Variants in LRRC4C observed in about 807,000 individuals in gnomAD.
LRRC4C encodes leucine-rich repeat-containing protein 4C.
Under a neutral mutation model 33.6 loss-of-function variants are expected in LRRC4C, and 5 were observed. The observed-to-expected ratio is 0.15, with a 90% CI of 0.08 to 0.31. The LOEUF (loss-of-function observed/expected upper bound fraction) is 0.31. Ranked by LOEUF, LRRC4C falls within the 10% of genes least tolerant of loss-of-function variation. The pLI, the probability that LRRC4C is intolerant of heterozygous loss-of-function variation, is 1.00. For missense variants in LRRC4C, 560 were observed against 796.7 expected (o/e 0.70, Z 3.58); for synonymous variants, 329 against 302.0 (o/e 1.09, Z -0.93).
intron 3 of LRRC4C, among the ~76,000 whole-genome samples, chr11:40,436,820 T>TC (rs1489426068): frequency 1.3e-5 from 2 of 152,112 alleles, no homozygotes; most frequent in Admixed American, 1.3e-4. Flanking sequence ...ATTGAGGACT[T>TC]CAACTACAGC....
intron 3 of LRRC4C, among the ~76,000 whole-genome samples, chr11:40,549,285 A>T (rs1026323529): frequency 6.6e-6 from 1 of 152,130 alleles, no homozygotes; most frequent in African/African-American, 2.4e-5. Context: ...ACACTCTGAG[A>T]ACATCCTCAC....
At chr11:40,706,770 A>T (rs1028828633) in intron 2 of LRRC4C, among the ~76,000 whole-genome samples, 17 of 152,196 alleles carry the variant, frequency 1.1e-4, no homozygotes, top group Middle Eastern at 3.4e-3. Flanking sequence ...CTTGATGGGG[A>T]TGGCATTGAA....
At chr11:41,025,062 T>C (rs61876990) in intron 1 of LRRC4C, among the ~76,000 whole-genome samples, 3,938 of 151,606 alleles carry the variant, frequency 0.026, 48 homozygotes, top group Middle Eastern at 0.044. Flanking sequence ...ACTGCTCCAC[T>C]CACTGGCTGT....
At chr11:40,733,361 C>G (rs1947704088) in intron 2 of LRRC4C, among the ~76,000 whole-genome samples, 1 of 151,930 alleles carries the variant, frequency 6.6e-6, no homozygotes, top group African/African-American at 2.4e-5. Flanking sequence ...AGGCGTGAGC[C>G]ACGGTGCCCG....
intron 1 of LRRC4C, among the ~76,000 whole-genome samples, chr11:40,951,623 A>G (rs1398547478): frequency 6.6e-6 from 1 of 151,984 alleles, no homozygotes. Context: ...AAATCTCTGG[A>G]GCATTTGGAC....
At chr11:41,185,337 G>C (rs1006751809) in intron 1 of LRRC4C, among the ~76,000 whole-genome samples, 3 of 152,038 alleles carry the variant, frequency 2.0e-5, no homozygotes, top group Admixed American at 6.6e-5. Flanking sequence ...GAAAAAACAA[G>C]AGATCCACCC....
At chr11:40,242,857 G>A (rs1489233106) in intron 4 of LRRC4C, among the ~76,000 whole-genome samples, 1 of 151,764 alleles carries the variant, frequency 6.6e-6, no homozygotes, top group South Asian at 2.1e-4. Flanking sequence ...AACAACCCAA[G>A]TGTTCATCAA....
intron 3 of LRRC4C, among the ~76,000 whole-genome samples, chr11:40,448,688 T>G (rs764007194): frequency 2.0e-5 from 3 of 152,220 alleles, no homozygotes; most frequent in Non-Finnish European, 4.4e-5. Flanking sequence ...TTTGCTATTG[T>G]GAATACTGCT....
In LRRC4C at chr11:41,341,164, G is replaced by A. The variant is rs1251321408; in HGVS notation, c.-496+118267C>T. Among the ~76,000 whole-genome samples the A allele has an allele frequency of 1.4e-3, 209 of 152,180 alleles. 4 individuals are homozygous for A. Among genetic ancestry groups the A allele is most frequent in the Non-Finnish European group, 4.4e-4 (30 of 68,000 alleles). On this transcript the variant is annotated intron_variant, in intron 1 of 6. Transcript: ENST00000528697. The stretch of plus-strand genomic sequence containing the variant: ...TAGGTATGAAAGTAATAGTGTGTTA[G>A]GTGAGGATGTTACTTAAGAAAACAA...
At chr11:40,775,348 T>A (rs1465040329) in intron 2 of LRRC4C, among the ~76,000 whole-genome samples, 2 of 152,012 alleles carry the variant, frequency 1.3e-5, no homozygotes, top group Non-Finnish European at 2.9e-5. Flanking sequence ...AGGCGGAGCT[T>A]GCAGTGAGCC....
rs377477471 is a variant in LRRC4C, at chr11:41,176,908, C to T, written c.-495-243185G>A. 1.1e-3 allele frequency among the ~76,000 whole-genome samples: 170 copies of T among 151,938 alleles called. 2 individuals carry two copies. In the South Asian group the frequency reaches 0.032, roughly 29 times the overall value. Reference sequence around the variant, plus strand: ...TGAACCTAGGAGGCAGAGGTTGCAGCGAGCTGAGATTGCGCCACTGCACTC... The same window carrying T: ...TGAACCTAGGAGGCAGAGGTTGCAGTGAGCTGAGATTGCGCCACTGCACTC... On this transcript the variant is annotated intron_variant, in intron 1 of 6. Transcript: ENST00000528697.
chr11:40,197,135 A>G (rs1483218162), intron 5 of LRRC4C, among the ~76,000 whole-genome samples: 2 of 152,296 alleles, frequency 1.3e-5, no homozygotes, highest in East Asian at 3.9e-4. Context: ...AAGCTATAGG[A>G]TTGATTGAGA....
At chr11:41,064,911 C>G (rs532039003) in intron 1 of LRRC4C, among the ~76,000 whole-genome samples, 1 of 152,222 alleles carries the variant, frequency 6.6e-6, no homozygotes, top group East Asian at 1.9e-4. Flanking sequence ...TTTTCGCAGT[C>G]CGCGGATCAG....
intron 2 of LRRC4C, among the ~76,000 whole-genome samples, chr11:40,804,132 G>T (rs556588906): frequency 3.9e-5 from 6 of 152,006 alleles, no homozygotes; most frequent in Non-Finnish European, 8.8e-5. Flanking sequence ...TAGTAAAAAT[G>T]GCCCTTTTCC....
intron 2 of LRRC4C, among the ~76,000 whole-genome samples, chr11:40,705,008 G>A (rs1564956788): frequency 6.6e-6 from 1 of 151,776 alleles, no homozygotes; most frequent in Non-Finnish European, 1.5e-5. Context: ...GTATATTTAG[G>A]AATAATTACA....
In LRRC4C at chr11:40,591,468, C is replaced by T. The variant is rs140795587; in HGVS notation, c.-270+56674G>A. The stretch of plus-strand genomic sequence containing the variant: ...ATCACTCACGCTGGGAGCTGTAGAC[C>T]GGAGCTGTTCCTATTCGGCCATCTT... On this transcript the variant is annotated intron_variant, in intron 3 of 6. Transcript: ENST00000528697. 4.9e-4 allele frequency among the ~76,000 whole-genome samples: 74 copies of T among 152,246 alleles called. 1 individual carries two copies. The highest frequency in any genetic ancestry group is 7.2e-4 in the African/African-American group (30 of 41,548).
chr11:40,843,579 C>T (rs1027713110), intron 2 of LRRC4C, among the ~76,000 whole-genome samples: 1 of 152,148 alleles, frequency 6.6e-6, no homozygotes, highest in African/African-American at 2.4e-5. Context: ...TTTCTCTATT[C>T]TCTATCTTCC....
At chr11:40,622,523 C>G (rs1962553453) in intron 3 of LRRC4C, among the ~76,000 whole-genome samples, 1 of 151,766 alleles carries the variant, frequency 6.6e-6, no homozygotes, top group Non-Finnish European at 1.5e-5. Context: ...GAGAGTCAAG[C>G]CGCATTCTAG....
At chr11:40,819,847 G>A (rs950418122) in intron 2 of LRRC4C, among the ~76,000 whole-genome samples, 3 of 151,856 alleles carry the variant, frequency 2.0e-5, no homozygotes, top group Admixed American at 6.6e-5. Context: ...ACGTACTCAA[G>A]ATACATAGAA....
Sources: allele counts gnomAD v4.1 joint callset (sites outside exome capture counted in the v4.1 genomes callset), GRCh38; gene constraint gnomAD v4.1.1; transcripts MANE v1.5; gene names NCBI Gene and HGNC (gene_info 2026-07-23, HGNC 2026-07-21).